The following DHPS variants were observed in gnomAD, a reference collection of about 807,000 sequenced individuals.
DHPS encodes migration-inducing gene 13.
Under a neutral mutation model 38.7 loss-of-function variants are expected in DHPS, and 24 were observed. The observed-to-expected ratio is 0.62, with a 90% CI of 0.45 to 0.87. The LOEUF (loss-of-function observed/expected upper bound fraction) is 0.87. DHPS is among the 40% of genes least tolerant of loss of function. The pLI, the probability that DHPS is intolerant of heterozygous loss-of-function variation, is 0.00. For synonymous variants in DHPS, 250 were observed against 204.4 expected (o/e 1.22, Z -1.90); for missense variants, 510 against 497.6 (o/e 1.02, Z -0.24).
chr19:12,678,942 G>A (rs1244912634), intron 5 of DHPS, among the ~76,000 whole-genome samples: 2 of 151,322 alleles, frequency 1.3e-5, no homozygotes, highest in Non-Finnish European at 2.9e-5. Flanking sequence ...TCCAGAGATA[G>A]TCTGGGAGGA....
At chr19:12,676,405 A>G (rs777712975) in intron 7 of DHPS, 4 of 465,996 alleles carry the variant, frequency 8.6e-6, no homozygotes, top group East Asian at 3.9e-5. Flanking sequence ...CAGCAACTCT[A>G]TCTTCAGAAG....
chr19:12,674,390 G>C (rs1489663013), downstream of DHPS, among the ~76,000 whole-genome samples: 4 of 152,344 alleles, frequency 2.6e-5, no homozygotes, highest in East Asian at 3.9e-4. Flanking sequence ...CGGCAAAGGA[G>C]ACATCAGCGC....
In DHPS at chr19:12,675,948, A is replaced by T. The variant is rs574388026; in HGVS notation, c.1015-15T>A. ...TCAGCATAGACCTGGGTAGGGGGGA[A>T]CCTGGGTAAGCCATGGGACCCACAC... is the stretch of plus-strand genomic sequence containing the variant. On this transcript the variant is annotated splice_polypyrimidine_tract_variant and intron_variant, in intron 8 of 8. Transcript: ENST00000210060. 2 of 1,602,496 alleles carry T rather than the reference A, an allele frequency of 1.2e-6. No individual in the cohort carries two copies. Among genetic ancestry groups the T allele is most frequent in the Non-Finnish European group, 1.7e-6 (2 of 1,173,134 alleles).
In DHPS at chr19:12,681,635, T is replaced by C. The variant is rs760865979; in HGVS notation, c.132A>G (p.Ala44=). The change falls in exon 1 of 9, where the codon GCA becomes GCG. Residue 44 remains alanine (A), a synonymous_variant. Coordinates refer to ENST00000210060, the MANE Select transcript of DHPS (RefSeq NM_001930.4). ...CGGTGGTGCCGAAGGCCTCCAGCAG[T>C]GCGCGGTAATTCACACCGCGGTTGA... ...YDFNRGVNYR[A]LLEAFGTTGF... 3.1e-6 allele frequency: 5 copies of C among 1,614,102 alleles called. No individual in the cohort carries two copies. Among genetic ancestry groups the C allele is most frequent in the Non-Finnish European group, 4.2e-6 (5 of 1,180,050 alleles).
chr19:12,676,598 C>A, intron 7 of DHPS: 1 of 219,534 alleles, frequency 4.6e-6, no homozygotes, highest in East Asian at 1.1e-4. Flanking sequence ...CCTCAGCCCA[C>A]AGGGCCCAGC....
chr19:12,679,608 T>G lies in DHPS; in HGVS notation c.591+15A>C, dbSNP rs2024730934. On this transcript the variant is annotated intron_variant, in intron 4 of 8. Transcript: ENST00000210060. ...CTCCCACTGAACTGGCCCCTCCAGG[T>G]TGCCCCAGCCCCACCTCTGTGTTCT... 6.2e-7 allele frequency: 1 copy of G among 1,614,138 alleles called. No homozygotes were observed.
downstream of DHPS, among the ~76,000 whole-genome samples, chr19:12,674,055 T>G (rs1253917906): frequency 6.6e-6 from 1 of 151,990 alleles, no homozygotes. Flanking sequence ...GAACAGCATA[T>G]GTTAAGAGGT....
chr19:12,677,068 G>A (rs560568490), intron 7 of DHPS, 40 bp downstream of exon 7: 20 of 1,584,650 alleles, frequency 1.3e-5, no homozygotes, highest in South Asian at 1.2e-4. Flanking sequence ...CCACCACACA[G>A]CATGTCTGCA....
chr19:12,681,123 C>G, intron 1 of DHPS: 1 of 1,277,320 alleles, frequency 7.8e-7, no homozygotes, highest in Non-Finnish European at 1.0e-6. Flanking sequence ...TGCGCCACCG[C>G]GCCCAGCCAG....
downstream of DHPS, chr19:12,673,177 GCCCC>G: frequency 6.2e-7 from 1 of 1,613,338 alleles, no homozygotes; most frequent in East Asian, 2.2e-5. Flanking sequence ...AGAGGACCAA[GCCCC>G]CCGATCCTGT....
rs2024562933 is a variant in DHPS, at chr19:12,675,840, A to C, written c.1108T>G (p.Ter370GlyextTer33). 1.3e-6 allele frequency: 2 copies of C among 1,594,982 alleles called. No individual in the cohort carries two copies. Among genetic ancestry groups the C allele is most frequent in the Non-Finnish European group, 1.7e-6 (2 of 1,170,094 alleles). Residue 370 changes from the stop codon to glycine (G), a stop_lost, in exon 9 of 9, where the codon TGA becomes GGA. Coordinates refer to ENST00000210060, the MANE Select transcript of DHPS (RefSeq NM_001930.4). ...DAFMHEKNED[*>G] ...GACCTTCCTGGGACCGCAGCCGCTC[A>C]GTCCTCGTTCTTCTCATGCATGAAG... is the stretch of plus-strand genomic sequence containing the variant.
intron 7 of DHPS, 71 bp from the exon 8 acceptor site, chr19:12,676,213 G>A (rs774502449): frequency 2.3e-5 from 34 of 1,505,388 alleles, no homozygotes; most frequent in Middle Eastern, 2.0e-4. Flanking sequence ...GGAGGACACC[G>A]TAGCCAAACA....
chr19:12,674,699 G>A (rs546504460), downstream of DHPS, among the ~76,000 whole-genome samples: 14 of 152,276 alleles, frequency 9.2e-5, no homozygotes, highest in South Asian at 2.9e-3. Flanking sequence ...TGGTGGCAGG[G>A]AACAGGCAAG....
chr19:12,673,555 T>G (rs1040729788), downstream of DHPS, among the ~76,000 whole-genome samples: 8 of 151,846 alleles, frequency 5.3e-5, no homozygotes, highest in Non-Finnish European at 8.8e-5. Flanking sequence ...GTAGTTGGGA[T>G]TATAGGTGCG....
rs760073698 is a variant in DHPS, at chr19:12,676,052, A to G, written c.979T>C (p.Trp327Arg). ...SGARPDEAVS[W>R]GKIRVDAQPV... Reference sequence around the variant, plus strand: ...TGTGCATCCACCCGGATCTTGCCCCAGGAGACAGCCTCGTCTGGTCGGGCA... The same window carrying G: ...TGTGCATCCACCCGGATCTTGCCCCGGGAGACAGCCTCGTCTGGTCGGGCA... The change falls in exon 8 of 9, where the codon TGG (tryptophan) becomes CGG (arginine). Residue 327 changes from tryptophan (W) to arginine (R), a missense_variant. By Grantham distance (101) the Trp-to-Arg change is moderately radical (BLOSUM62 -3). Coordinates refer to ENST00000210060, the MANE Select transcript of DHPS (RefSeq NM_001930.4). The G allele has an allele frequency of 1.2e-6, 2 of 1,614,108 alleles. No individual in the cohort carries two copies. Among genetic ancestry groups the G allele is most frequent in the South Asian group, 1.1e-5 (1 of 91,086 alleles).
At chr19:12,681,283 T>G in intron 1 of DHPS, 1 of 1,294,044 alleles carries the variant, frequency 7.7e-7, no homozygotes. Flanking sequence ...GCTCCGCCCA[T>G]TCCAGAAAGC....
Position 12,681,784 on chromosome 19 carries a change from T to C in DHPS, c.-18A>G. On this transcript the variant is annotated 5_prime_UTR_variant, in exon 1 of 9. Coordinates refer to ENST00000210060, the MANE Select transcript of DHPS (RefSeq NM_001930.4). ...CCTTCCATGCGCCTATAGCCGGCTC[T>C]CGAGTCAAAGCTGCCCCTAGGCCGG... 2 of 1,601,656 alleles carry C rather than the reference T, an allele frequency of 1.2e-6. No homozygotes were observed. The highest frequency in any genetic ancestry group is 1.7e-6 in the Non-Finnish European group (2 of 1,178,528).
At position 12,681,724 on chromosome 19, in the gene DHPS, C is replaced by T. The variant is rs544773891; in HGVS notation, c.43G>A (p.Ala15Thr). 6 of 1,612,964 alleles carry T rather than the reference C, an allele frequency of 3.7e-6. No homozygotes were observed. Among genetic ancestry groups the T allele is most frequent in the South Asian group, 2.2e-5 (2 of 91,072 alleles). Residue 15 changes from alanine (A) to threonine (T), a missense_variant, in exon 1 of 9, where the codon GCC becomes ACC. Transcript: ENST00000210060. The stretch of plus-strand genomic sequence containing the variant: ...GTCGAGCTGTGCTTTAGCACGGCGG[C>T]CAGCGCCCCCGCTGGCGCCTCCCGT... ...LEREAPAGAL[A>T]AVLKHSSTLP...
At chr19:12,676,730 C>G (rs1167283031) in intron 7 of DHPS, 4 of 291,886 alleles carry the variant, frequency 1.4e-5, no homozygotes, top group Non-Finnish European at 2.7e-5. Context: ...AATGGCTGTT[C>G]CCTCTCCTGG....
Sources: gnomAD v4.1 joint callset for allele counts (sites outside exome capture counted in the v4.1 genomes callset) on GRCh38, gnomAD v4.1.1 for gene constraint, MANE v1.5 for transcripts, NCBI Gene and HGNC (gene_info 2026-07-23, HGNC 2026-07-21) for gene names.